The following CRAMP1 variants were observed in gnomAD, a reference collection of about 807,000 sequenced individuals.
The protein encoded by CRAMP1 is cramped chromatin regulator 1, also known as protein cramped-like.
A neutral mutation model predicts 115.4 loss-of-function variants in CRAMP1; 50 were observed. The observed-to-expected ratio is 0.43, with a 90% CI of 0.35 to 0.55. The LOEUF is 0.55. Ranked by LOEUF, CRAMP1 falls within the 20% of genes least tolerant of loss-of-function variation. The pLI, the probability that CRAMP1 is intolerant of heterozygous loss-of-function variation, is 0.01. For synonymous variants in CRAMP1, 866 were observed against 745.4 expected (o/e 1.16, Z -2.64); for missense variants, 1,679 against 1,721.7 (o/e 0.98, Z 0.44).
intron 10 of CRAMP1, 136 bp from the exon 11 acceptor site, chr16:1,659,750 T>TCTGGCCCTGG: frequency 1.2e-6 from 1 of 852,724 alleles, no homozygotes; most frequent in Non-Finnish European, 1.9e-6. Flanking sequence ...GTTGGGCGTC[T>TCTGGCCCTGG]CTGGCCCTGG....
intron 6 of CRAMP1, among the ~76,000 whole-genome samples, chr16:1,647,491 A>G (rs532659451): frequency 1.6e-4 from 24 of 152,326 alleles, no homozygotes; most frequent in Admixed American, 1.5e-3. Context: ...TTGTAATCCC[A>G]GCACTTTGGG....
Position 1,656,732 on chromosome 16 carries a change from A to G in CRAMP1, c.1975A>G (p.Arg659Gly), listed in dbSNP as rs1418341007. 1 of 1,550,468 alleles carries G rather than the reference A, an allele frequency of 6.4e-7. No homozygotes were observed. The highest frequency in any genetic ancestry group is 1.2e-5 in the South Asian group (1 of 84,050). ...GCCGTCTCAGGGACAGCCTGCCGCC[A>G]GGCCCCCGAAGGAGGTCCCCGCCAG... ...PPPSQGQPAA[R>G]PPKEVPASRL... Residue 659 changes from arginine to glycine, a missense_variant, in exon 10 of 21, where the codon AGG becomes GGG. By Grantham distance (125) the Arg-to-Gly change is moderately radical. Transcript: ENST00000397412. This position sits in a 1 kb window ranked among gnomAD's most constrained non-coding sequence, Gnocchi z 5.6.
chr16:1,634,983 C>G (rs920557297), intron 4 of CRAMP1, among the ~76,000 whole-genome samples: 1 of 152,180 alleles, frequency 6.6e-6, no homozygotes, highest in African/African-American at 2.4e-5. Context: ...ACTGTAACCT[C>G]CATCTCCCAG....
rs970293724 is a variant in CRAMP1 at position 1,671,909 on chromosome 16, C to T, written c.3645+1100C>T. On this transcript the variant is annotated intron_variant, in intron 20 of 20. Coordinates refer to ENST00000397412, the MANE Select transcript of CRAMP1 (RefSeq NM_020825.4). This position sits in a 1 kb window ranked among gnomAD's most constrained non-coding sequence, Gnocchi z 5.0. ...ATATACACATAGACACAATTAATAGCGTAGACCTCCATCTCACAGTGTGTG... is the reference window on the plus strand; with the variant it reads ...ATATACACATAGACACAATTAATAGTGTAGACCTCCATCTCACAGTGTGTG... Among the ~76,000 whole-genome samples the T allele has an allele frequency of 5.2e-4, 79 of 152,324 alleles. No individual in the cohort carries two copies. The highest frequency in any genetic ancestry group is 1.7e-3 in the African/African-American group (71 of 41,568).
Position 1,666,535 on chromosome 16 carries a change from G to C in CRAMP1, c.2971G>C (p.Gly991Arg). Residue 991 changes from glycine (G) to arginine (R), a missense_variant, in exon 16 of 21, where the codon GGT (glycine) becomes CGT (arginine). Gly to Arg is a moderately radical substitution (Grantham distance 125). Coordinates refer to ENST00000397412, the MANE Select transcript of CRAMP1 (RefSeq NM_020825.4). This position sits in a 1 kb window ranked among gnomAD's most constrained non-coding sequence, Gnocchi z 5.0. ...TCCACTGTCTTCAGACGAGGTGACG[G>C]GTGCCATCTCGGGGCAGGACTCTAC... ...ISPLSSDEVT[G>R]AISGQDSTGT... 1 of 1,613,892 alleles carries C rather than the reference G, an allele frequency of 6.2e-7. No homozygotes were observed. Among genetic ancestry groups the C allele is most frequent in the South Asian group, 1.1e-5 (1 of 91,088 alleles).
chr16:1,640,651 G>A (rs573970373), intron 5 of CRAMP1, among the ~76,000 whole-genome samples: 17 of 152,330 alleles, frequency 1.1e-4, no homozygotes, highest in African/African-American at 4.1e-4. Flanking sequence ...AACTCAGAGG[G>A]TGTCGGAGTC....
At position 1,659,924 on chromosome 16, in the gene CRAMP1, G is replaced by C; in HGVS notation, c.2274G>C (p.Arg758Ser). 1 of 1,612,930 alleles carries C rather than the reference G, an allele frequency of 6.2e-7. No individual in the cohort carries two copies. Residue 758 changes from arginine to serine, a missense_variant, in exon 11 of 21, where the codon AGG becomes AGC. This residue lies in a region of CRAMP1 where 709 missense variants were observed against 741.9 expected (regional missense o/e 0.96). Coordinates refer to ENST00000397412, the MANE Select transcript of CRAMP1 (RefSeq NM_020825.4). The stretch of plus-strand genomic sequence containing the variant: ...ACACCATCTCTACAGCCTCAGTAAG[G>C]CCCGCCCAGGAGGAGCAGTCGATGA... ...EANTISTASVRPAQEEQSMTP... is the reference protein window; with the variant it reads ...EANTISTASVSPAQEEQSMTP...
chr16:1,645,186 A>G (rs971150307), intron 6 of CRAMP1, among the ~76,000 whole-genome samples: 1 of 150,914 alleles, frequency 6.6e-6, no homozygotes, highest in African/African-American at 2.4e-5. Flanking sequence ...TCGTTGGTTT[A>G]TTTTCTTTTG....
chr16:1,641,637 C>T (rs1399583924), intron 6 of CRAMP1, among the ~76,000 whole-genome samples: 1 of 152,208 alleles, frequency 6.6e-6, no homozygotes, highest in Non-Finnish European at 1.5e-5. Flanking sequence ...GGCCGCTCTC[C>T]TCCCCTCACA....
chr16:1,668,674 G>A (rs1448955822), intron 18 of CRAMP1, among the ~76,000 whole-genome samples: 1 of 152,164 alleles, frequency 6.6e-6, no homozygotes, highest in Non-Finnish European at 1.5e-5. Context: ...ATGTAGCCTT[G>A]GGCAGCTCAC....
chr16:1,633,267 T>C (rs1469323062), intron 4 of CRAMP1, among the ~76,000 whole-genome samples: 1 of 152,208 alleles, frequency 6.6e-6, no homozygotes. Context: ...CCCGGAGCTT[T>C]GGGAAGAGCC....
At chr16:1,637,263 C>T (rs1489583069) in intron 4 of CRAMP1, among the ~76,000 whole-genome samples, 1 of 151,692 alleles carries the variant, frequency 6.6e-6, no homozygotes. Context: ...CACTGCACTC[C>T]AGTCTGGGCG....
chr16:1,614,108 C>T lies in CRAMP1; in HGVS notation c.-1-531C>T, dbSNP rs1385127360. ...TGCGCGGGGCCCGGGAGCCCCGCGC[C>T]TTTCGGGGGGCGGGGAGGGGGTGGG... On this transcript the variant is annotated intron_variant, in intron 1 of 20. Coordinates refer to ENST00000397412, the MANE Select transcript of CRAMP1 (RefSeq NM_020825.4). The surrounding 1 kb of genome is among the most constrained non-coding windows in gnomAD (Gnocchi z 4.4). 1.0e-4 allele frequency among the ~76,000 whole-genome samples: 4 copies of T among 38,978 alleles called. No homozygotes were observed. The highest frequency in any genetic ancestry group is 3.1e-4 in the African/African-American group (3 of 9,564). The allele number at this position is 38,978 out of a possible 152,430, so 25.6% of individuals were successfully genotyped here.
At chr16:1,636,231 C>T (rs984454814) in intron 4 of CRAMP1, among the ~76,000 whole-genome samples, 6 of 152,086 alleles carry the variant, frequency 3.9e-5, no homozygotes, top group East Asian at 1.9e-4. Context: ...ATTAGCAGGG[C>T]GTGGTGGCGC....
At chr16:1,624,972 C>T (rs947121634) in intron 2 of CRAMP1, among the ~76,000 whole-genome samples, 1 of 152,134 alleles carries the variant, frequency 6.6e-6, no homozygotes, top group East Asian at 1.9e-4. Flanking sequence ...AGTGATCCAC[C>T]CGCCTCAGCC....
At chr16:1,641,034 G>A (rs887577014) in intron 5 of CRAMP1, 105 bp from the exon 6 acceptor site, 11 of 743,252 alleles carry the variant, frequency 1.5e-5, no homozygotes, top group Admixed American at 1.2e-4. Flanking sequence ...TTTAATATTC[G>A]GTAATGGGAT....
intron 20 of CRAMP1, among the ~76,000 whole-genome samples, chr16:1,673,103 G>A (rs567778433): frequency 1.7e-4 from 26 of 151,306 alleles, no homozygotes; most frequent in Non-Finnish European, 3.7e-4. Flanking sequence ...ACGGGAACGT[G>A]CCCCCAGCTC....
chr16:1,656,321 T>C lies in CRAMP1; in HGVS notation c.1564T>C (p.Cys522Arg). The C allele has an allele frequency of 1.9e-6, 3 of 1,611,488 alleles. No homozygotes were observed. Among genetic ancestry groups the C allele is most frequent in the Non-Finnish European group, 2.5e-6 (3 of 1,179,372 alleles). Reference sequence around the variant, plus strand: ...TCCCAGGCACCAGGACACTGGGCCATGTCTTGAGAAGACCCCTGCAGAAGG... The same window carrying C: ...TCCCAGGCACCAGGACACTGGGCCACGTCTTGAGAAGACCCCTGCAGAAGG... ...PPPRHQDTGP[C>R]LEKTPAEGRD... Residue 522 changes from cysteine (C) to arginine (R), a missense_variant, in exon 10 of 21, where the codon TGT (cysteine) becomes CGT (arginine). By Grantham distance (180) the Cys-to-Arg change is radical (BLOSUM62 -3). Coordinates refer to ENST00000397412, the MANE Select transcript of CRAMP1 (RefSeq NM_020825.4). The surrounding 1 kb of genome is among the most constrained non-coding windows in gnomAD (Gnocchi z 5.6).
At chr16:1,660,251 G>T (rs1200967911) in intron 11 of CRAMP1, among the ~76,000 whole-genome samples, 188 bp downstream of exon 11, 1 of 152,230 alleles carries the variant, frequency 6.6e-6, no homozygotes, top group African/African-American at 2.4e-5. Context: ...GTGATGCCAG[G>T]GCTTGTCGTG....
Sources: gnomAD v4.1 joint callset for allele counts (sites outside exome capture counted in the v4.1 genomes callset) on GRCh38, gnomAD v4.1.1 for gene constraint, gnomAD v4.1.1 regional missense constraint, Gnocchi (gnomAD v3.1) non-coding constraint, MANE v1.5 for transcripts, NCBI Gene and HGNC (gene_info 2026-07-23, HGNC 2026-07-21) for gene names.